Variants in PGPEP1L observed in about 807,000 individuals in gnomAD.
PGPEP1L encodes the protein pyroglutamyl-peptidase I like, also known as pyroglutamyl-peptidase 1-like protein.
In PGPEP1L, 7 loss-of-function variants were observed where a neutral mutation model predicts 6.0. The observed-to-expected ratio is 1.17, with a 90% confidence interval of 0.66 to 2.19. PGPEP1L has a LOEUF of 2.19. Among genes scored for constraint, PGPEP1L ranks in the 30% most tolerant of loss-of-function variants. The pLI is 0.00. For missense variants in PGPEP1L, 209 were observed against 192.5 expected (o/e 1.09, Z -0.51); for synonymous variants, 103 against 83.9 (o/e 1.23, Z -1.24).
At chr15:98,971,669 GA>G (rs2017499873) in intron 2 of PGPEP1L, among the ~76,000 whole-genome samples, 1 of 152,174 alleles carries the variant, frequency 6.6e-6, no homozygotes, top group Admixed American at 6.5e-5. Context: ...GGTTCAACTT[GA>G]AAGAAACAGA....
intron 1 of PGPEP1L, among the ~76,000 whole-genome samples, chr15:99,006,329 A>G (rs1255546826): frequency 1.3e-5 from 2 of 152,254 alleles, no homozygotes; most frequent in Admixed American, 1.3e-4. Context: ...TCTACCTGCG[A>G]AAAGTGCTTT....
chr15:98,995,619 C>T (rs894266088), intron 2 of PGPEP1L, among the ~76,000 whole-genome samples: 10 of 152,162 alleles, frequency 6.6e-5, no homozygotes, highest in Non-Finnish European at 1.5e-4. Flanking sequence ...TCTCTTGAAC[C>T]TGGGAGGCAG....
chr15:98,971,194 T>TGGG (rs57036063), intron 2 of PGPEP1L, 36 bp from the exon 3 acceptor site: 3 of 587,196 alleles, frequency 5.1e-6, no homozygotes, highest in Admixed American at 9.0e-5. Context: ...CCTCAGTTGA[T>TGGG]GGGGGGGGGG....
chr15:98,996,221 G>T (rs1460658726), intron 2 of PGPEP1L, among the ~76,000 whole-genome samples: 1 of 152,164 alleles, frequency 6.6e-6, no homozygotes, highest in Non-Finnish European at 1.5e-5. Flanking sequence ...TATATTTGGT[G>T]ATCTTTAATT....
intron 2 of PGPEP1L, among the ~76,000 whole-genome samples, chr15:98,989,510 T>A (rs896511617): frequency 6.6e-6 from 1 of 152,236 alleles, no homozygotes; most frequent in African/African-American, 2.4e-5. Context: ...TTGATTGGTG[T>A]ACCTGAAAAG....
At chr15:98,993,920 CAA>C (rs2017853004) in intron 2 of PGPEP1L, among the ~76,000 whole-genome samples, 1 of 151,980 alleles carries the variant, frequency 6.6e-6, no homozygotes, top group Admixed American at 6.6e-5. Context: ...TATAATTTAA[CAA>C]AGTCTAAAGC....
intron 4 of PGPEP1L, 25 bp from the exon 5 acceptor site, chr15:98,968,722 T>C (rs2151752681): frequency 6.5e-7 from 1 of 1,545,610 alleles, no homozygotes; most frequent in East Asian, 2.4e-5. Flanking sequence ...AATGCCACAT[T>C]AATTCTCGGA....
chr15:98,968,681 T>TATA lies in PGPEP1L; in HGVS notation c.223_225dup (p.Tyr75dup). ...CCATGATGCAGAGACAGGTAATAGG[T>TATA]ATAATCACAGACGTATCTGCAACCA... On this transcript the variant is annotated inframe_insertion, in exon 5 of 5. Coordinates refer to ENST00000535714, the MANE Select transcript of PGPEP1L (RefSeq NM_001167902.2). 1 of 1,572,398 alleles carries TATA rather than the reference T, an allele frequency of 6.4e-7. No homozygotes were observed. Among genetic ancestry groups the TATA allele is most frequent in the Non-Finnish European group, 8.6e-7 (1 of 1,158,504 alleles).
At chr15:98,995,933 C>G (rs2017881502) in intron 2 of PGPEP1L, among the ~76,000 whole-genome samples, 1 of 152,134 alleles carries the variant, frequency 6.6e-6, no homozygotes. Context: ...CATATGTAGT[C>G]TTTTGTGACT....
chr15:99,003,975 T>A lies in PGPEP1L; in HGVS notation c.-142+1454A>T, dbSNP rs1355563099. Among the ~76,000 whole-genome samples the A allele has an allele frequency of 5.4e-5, 8 of 148,682 alleles. No homozygotes were observed. The South Asian group carries it at 6.3e-4, about 12-fold the overall frequency. On this transcript the variant is annotated intron_variant, in intron 2 of 4. Coordinates refer to ENST00000535714, the MANE Select transcript of PGPEP1L (RefSeq NM_001167902.2). Reference sequence around the variant, plus strand: ...AAGGTTTCCCAAAGAACTTTTTCTCTGAAGGTCGATAGGAGTTAGAATTAT... The same window carrying A: ...AAGGTTTCCCAAAGAACTTTTTCTCAGAAGGTCGATAGGAGTTAGAATTAT...
intron 3 of PGPEP1L, among the ~76,000 whole-genome samples, chr15:98,970,358 T>A (rs1385044041): frequency 6.6e-6 from 1 of 152,230 alleles, no homozygotes; most frequent in South Asian, 2.1e-4. Flanking sequence ...CATCTTTTTT[T>A]AAATGAAACT....
In PGPEP1L at chr15:98,968,493, T is replaced by C; in HGVS notation, c.414A>G (p.Pro138=). ...QFEENSTMVL[P]AKGN is the part of the protein sequence containing the mutation. Reference sequence around the variant, plus strand: ...AATCCCCCGGTCAGTTCCCTTTGGCTGGAAGGACCATGGTTGAGTTTTCTT... The same window carrying C: ...AATCCCCCGGTCAGTTCCCTTTGGCCGGAAGGACCATGGTTGAGTTTTCTT... Residue 138 remains proline (P), a synonymous_variant, in exon 5 of 5, where the codon CCA becomes CCG. Coordinates refer to ENST00000535714, the MANE Select transcript of PGPEP1L (RefSeq NM_001167902.2). The C allele has an allele frequency of 6.2e-7, 1 of 1,613,420 alleles. No homozygotes were observed.
intron 2 of PGPEP1L, among the ~76,000 whole-genome samples, chr15:98,999,083 A>T (rs1268177146): frequency 3.9e-5 from 6 of 152,222 alleles, no homozygotes; most frequent in African/African-American, 1.4e-4. Flanking sequence ...GCATAACAGG[A>T]ATAATTAACA....
At chr15:98,983,472 G>A (rs1221993005) in intron 2 of PGPEP1L, among the ~76,000 whole-genome samples, 2 of 152,192 alleles carry the variant, frequency 1.3e-5, no homozygotes, top group Non-Finnish European at 2.9e-5. Context: ...GTTACGTAAT[G>A]TCTTGGCCCA....
intron 2 of PGPEP1L, among the ~76,000 whole-genome samples, chr15:98,991,193 A>G (rs1435257819): frequency 6.6e-6 from 1 of 152,140 alleles, no homozygotes; most frequent in Non-Finnish European, 1.5e-5. Flanking sequence ...TTTGAAAAGA[A>G]CAAAATAGAT....
intron 2 of PGPEP1L, among the ~76,000 whole-genome samples, chr15:98,984,127 C>T (rs2017710971): frequency 6.6e-6 from 1 of 151,300 alleles, no homozygotes; most frequent in African/African-American, 2.4e-5. Context: ...TCTCCTGCCT[C>T]AGCCTCCCAA....
chr15:98,980,574 C>T (rs1306726572), intron 2 of PGPEP1L, among the ~76,000 whole-genome samples: 1 of 152,150 alleles, frequency 6.6e-6, no homozygotes, highest in African/African-American at 2.4e-5. Context: ...CTCCCCCACT[C>T]GAGTGTGGGC....
At chr15:98,970,179 G>T (rs777408736) in intron 3 of PGPEP1L, among the ~76,000 whole-genome samples, 1 of 152,092 alleles carries the variant, frequency 6.6e-6, no homozygotes, top group Admixed American at 6.6e-5. Flanking sequence ...CTCCCGAGTA[G>T]CGGGGACTAC....
chr15:98,975,431 ATTAAT>A (rs1003437924), intron 2 of PGPEP1L, among the ~76,000 whole-genome samples: 1 of 152,230 alleles, frequency 6.6e-6, no homozygotes, highest in Non-Finnish European at 1.5e-5. Context: ...AATAGTTAAC[ATTAAT>A]TTATTGTACA....
Sources: allele counts gnomAD v4.1 joint callset (sites outside exome capture counted in the v4.1 genomes callset), GRCh38; gene constraint gnomAD v4.1.1; transcripts MANE v1.5; gene names NCBI Gene and HGNC (gene_info 2026-07-23, HGNC 2026-07-21).